Variants in TBC1D1 observed in about 807,000 individuals in gnomAD.
The protein encoded by TBC1D1 is TBC1 (tre-2/USP6, BUB2, cdc16) domain family, member 1.
In TBC1D1, 89 loss-of-function variants were observed where a neutral mutation model predicts 125.6. The ratio of observed to expected loss-of-function variants is 0.71; its 90% CI spans 0.60 to 0.85. The LOEUF (loss-of-function observed/expected upper bound fraction) is 0.85, where lower values mean the gene tolerates loss of function less well. Ranked by LOEUF, TBC1D1 falls within the 40% of genes least tolerant of loss-of-function variation. TBC1D1 has a pLI of 0.00. For synonymous variants in TBC1D1, 565 were observed against 564.1 expected, an observed-to-expected ratio of 1.00 and a Z score of -0.02; for missense variants, 1,377 against 1,469.2, an observed-to-expected ratio of 0.94 and a Z score of 1.03.
At chr4:37,955,276 A>G (rs945206768) in intron 2 of TBC1D1, among the ~76,000 whole-genome samples, 15 of 152,150 alleles carry the variant, frequency 9.9e-5, no homozygotes, top group African/African-American at 3.6e-4. Context: ...GCGCAGACTT[A>G]ATGAGAGATT....
At position 38,009,311 on chromosome 4, in the gene TBC1D1, A is replaced by G. The variant is rs77429618; in HGVS notation, c.418-5198A>G. ...GAAAAAACACAATGTGTCCGGCCAT[A>G]TTTTTGAAGTCTTAGAATGTGTTAC... On this transcript the variant is annotated intron_variant, in intron 2 of 19. Coordinates refer to ENST00000261439, the MANE Select transcript of TBC1D1 (RefSeq NM_015173.4). 7.3e-3 allele frequency among the ~76,000 whole-genome samples: 1,117 copies of G among 152,286 alleles called. 11 individuals carry two copies. The highest frequency in any genetic ancestry group is 0.025 in the African/African-American group (1,032 of 41,556).
intron 12 of TBC1D1, among the ~76,000 whole-genome samples, chr4:38,064,622 ATTTCTT>A (rs2152501406): frequency 7.2e-6 from 1 of 138,948 alleles, no homozygotes; most frequent in South Asian, 2.3e-4. Flanking sequence ...ACAGAGCTAC[ATTTCTT>A]TTTTTTTTTT....
At position 37,909,919 on chromosome 4, in the gene TBC1D1, G is replaced by A. The variant is rs905031915; in HGVS notation, c.417+7407G>A. On this transcript the variant is annotated intron_variant, in intron 2 of 19. Transcript: ENST00000261439. ...CACACTAGACAGAAGTTGGTTGCTG[G>A]GTGCAAGGGCTGGCAGGAATTTTTT... is the stretch of plus-strand genomic sequence containing the variant. 7.9e-5 allele frequency among the ~76,000 whole-genome samples: 12 copies of A among 152,248 alleles called. No homozygotes were observed. In the East Asian group the frequency reaches 1.5e-3, roughly 20 times the overall value.
chr4:37,953,923 T>C (rs1728390744), intron 2 of TBC1D1, among the ~76,000 whole-genome samples: 1 of 152,204 alleles, frequency 6.6e-6, no homozygotes, highest in South Asian at 2.1e-4. Flanking sequence ...GTTATTAATG[T>C]AGATTATCAG....
chr4:37,897,401 A>G (rs1184488017), intron 1 of TBC1D1, among the ~76,000 whole-genome samples: 1 of 152,218 alleles, frequency 6.6e-6, no homozygotes, highest in Non-Finnish European at 1.5e-5. Flanking sequence ...TTGCTTATAA[A>G]TAATTATGGC....
At chr4:37,933,259 AT>A (rs1723673186) in intron 2 of TBC1D1, among the ~76,000 whole-genome samples, 1 of 152,076 alleles carries the variant, frequency 6.6e-6, no homozygotes, top group Non-Finnish European at 1.5e-5. Context: ...ATATAGCTAC[AT>A]ATACACCTAC....
At chr4:38,118,621 T>C in intron 17 of TBC1D1, 1 of 157,336 alleles carries the variant, frequency 6.4e-6, no homozygotes, top group Non-Finnish European at 1.4e-5. Context: ...CTCCCCTTTC[T>C]CTTCTTGCCC....
At position 38,006,641 on chromosome 4, in the gene TBC1D1, G is replaced by C. The variant is rs544165837; in HGVS notation, c.418-7868G>C. ...CTACAGGCATGTGCCACCACGCCCG[G>C]CTAATTTTTTTGTATTTTTAGTAGA... On this transcript the variant is annotated intron_variant, in intron 2 of 19. Coordinates refer to ENST00000261439, the MANE Select transcript of TBC1D1 (RefSeq NM_015173.4). 5.7e-4 allele frequency: 129 copies of C among 225,872 alleles called. 1 individual carries two copies. In the South Asian group the frequency reaches 6.7e-3, roughly 12 times the overall value. The allele number at this position is 225,872 out of a possible 1,614,324, so 14.0% of individuals were successfully genotyped here.
chr4:38,075,209 T>G (rs1755381262), intron 12 of TBC1D1, among the ~76,000 whole-genome samples: 1 of 152,342 alleles, frequency 6.6e-6, no homozygotes, highest in South Asian at 2.1e-4. Context: ...ATAAAATGGA[T>G]TAAAGTGTTT....
chr4:38,118,160 A>G lies in TBC1D1; in HGVS notation c.2930A>G (p.Gln977Arg). ...TGGTTCCTCACCATGTTTGCCTCACAGTTCCCGCTGGGATTCGTAGCCAGA... is the reference window on the plus strand; with the variant it reads ...TGGTTCCTCACCATGTTTGCCTCACGGTTCCCGCTGGGATTCGTAGCCAGA... The change falls in exon 17 of 20, where the codon CAG becomes CGG. Residue 977 changes from glutamine to arginine, a missense_variant. Gln to Arg is a conservative substitution (Grantham distance 43). Around this residue, in one of 3 missense-constraint regions of TBC1D1, gnomAD observed 543 missense variants for 613.5 expected, o/e 0.89. Transcript: ENST00000261439. 6.2e-7 allele frequency: 1 copy of G among 1,614,232 alleles called. No homozygotes were observed. Among genetic ancestry groups the G allele is most frequent in the Non-Finnish European group, 8.5e-7 (1 of 1,180,036 alleles).
Position 38,137,042 on chromosome 4 carries a change from A to T in TBC1D1, c.3307-93A>T, listed in dbSNP as rs1350950468. On this transcript the variant is annotated intron_variant, in intron 19 of 19. Coordinates refer to ENST00000261439, the MANE Select transcript of TBC1D1 (RefSeq NM_015173.4). Reference sequence around the variant, plus strand: ...CTCATCCCTGCTGAAACTCGGCTCCAGAGTGCTCCCAAGGCTGGACAGCGT... The same window carrying T: ...CTCATCCCTGCTGAAACTCGGCTCCTGAGTGCTCCCAAGGCTGGACAGCGT... The T allele has an allele frequency of 1.9e-6, 3 of 1,589,738 alleles. No homozygotes were observed. In the Admixed American group the frequency reaches 5.1e-5, roughly 27 times the overall value.
At chr4:37,980,144 G>A (rs1184361656) in intron 2 of TBC1D1, among the ~76,000 whole-genome samples, 8 of 152,196 alleles carry the variant, frequency 5.3e-5, no homozygotes, top group Non-Finnish European at 1.2e-4. Context: ...TGTAGAGTGG[G>A]CAATTTCATG....
chr4:38,057,626 C>T (rs956692295), intron 12 of TBC1D1, among the ~76,000 whole-genome samples: 1 of 152,102 alleles, frequency 6.6e-6, no homozygotes, highest in Non-Finnish European at 1.5e-5. Flanking sequence ...AAAAGAAAAA[C>T]GAGAATAAAA....
intron 2 of TBC1D1, among the ~76,000 whole-genome samples, chr4:37,922,837 G>A (rs1429294503): frequency 2.6e-5 from 4 of 152,118 alleles, no homozygotes; most frequent in African/African-American, 7.2e-5. Context: ...TCCAAACCAG[G>A]CAAATCAGAG....
intron 3 of TBC1D1, among the ~76,000 whole-genome samples, chr4:38,017,454 G>T (rs1443574820): frequency 6.6e-6 from 1 of 152,216 alleles, no homozygotes; most frequent in Non-Finnish European, 1.5e-5. Flanking sequence ...TTCAGAAACA[G>T]TAAGTGTGCA....
intron 18 of TBC1D1, among the ~76,000 whole-genome samples, chr4:38,126,867 C>T (rs1764737035): frequency 6.6e-6 from 1 of 152,162 alleles, no homozygotes; most frequent in Admixed American, 6.5e-5. Flanking sequence ...TAGCAGCTCT[C>T]CTACACTGCC....
At chr4:38,050,253 G>A (rs972307674) in intron 11 of TBC1D1, among the ~76,000 whole-genome samples, 4 of 152,238 alleles carry the variant, frequency 2.6e-5, no homozygotes, top group Admixed American at 6.5e-5. Flanking sequence ...GGGTTATAAT[G>A]GGAGGGAGAG....
chr4:38,082,906 ACC>A (rs1172462532), intron 12 of TBC1D1, among the ~76,000 whole-genome samples: 1 of 151,984 alleles, frequency 6.6e-6, no homozygotes, highest in Non-Finnish European at 1.5e-5. Context: ...TTGGAAGTTT[ACC>A]CTAAATGGCT....
At chr4:37,968,919 C>T (rs1239970658) in intron 2 of TBC1D1, among the ~76,000 whole-genome samples, 2 of 152,186 alleles carry the variant, frequency 1.3e-5, no homozygotes, top group Non-Finnish European at 1.5e-5. Flanking sequence ...TGTACCAAGT[C>T]TCTGCCCAGC....
Sources: allele counts gnomAD v4.1 joint callset (sites outside exome capture counted in the v4.1 genomes callset), GRCh38; gene constraint gnomAD v4.1.1; regional missense constraint gnomAD v4.1.1; transcripts MANE v1.5; gene names NCBI Gene and HGNC (gene_info 2026-07-23, HGNC 2026-07-21).